UBOX5: variants seen among roughly 807,000 people sequenced by gnomAD.
UBOX5 encodes RING finger protein 37.
UBOX5 carries 28 observed loss-of-function variants against 39.0 expected under a neutral mutation model. The observed-to-expected ratio is 0.72, with a 90% CI of 0.53 to 0.98. The LOEUF (loss-of-function observed/expected upper bound fraction) is 0.98, where lower values mean the gene tolerates loss of function less well. Ranked by LOEUF, UBOX5 falls within the 50% of genes least tolerant of loss-of-function variation. The probability of loss-of-function intolerance (pLI) is 0.00; values close to 1 mark genes in which losing one functional copy is unlikely to be tolerated. For synonymous variants in UBOX5, 283 were observed against 275.5 expected (o/e 1.03, Z -0.27); for missense variants, 585 against 674.4 (o/e 0.87, Z 1.47).
intron 3 of UBOX5, among the ~76,000 whole-genome samples, chr20:3,120,817 G>A (rs1466453230): frequency 6.6e-6 from 1 of 152,156 alleles, no homozygotes; most frequent in South Asian, 2.1e-4. Context: ...CTGAAAGGAA[G>A]GCCCACAGAC....
At chr20:3,152,019 C>T (rs777438768) in intron 1 of UBOX5, 26 of 147,976 alleles carry the variant, frequency 1.8e-4, no homozygotes, top group Non-Finnish European at 2.7e-4. Context: ...GCACAAGAGT[C>T]GCTTGAACCC....
At chr20:3,111,679 C>T (rs1568467431) in intron 4 of UBOX5, 1 of 152,692 alleles carries the variant, frequency 6.5e-6, no homozygotes, top group East Asian at 1.9e-4. Context: ...TAGACCACAC[C>T]CATTCCATGA....
At chr20:3,142,459 C>G (rs991188200) in intron 1 of UBOX5, among the ~76,000 whole-genome samples, 1 of 151,828 alleles carries the variant, frequency 6.6e-6, no homozygotes, top group Non-Finnish European at 1.5e-5. Context: ...AAAAAATCAC[C>G]CAGGCGTAGT....
At chr20:3,147,013 G>T in intron 1 of UBOX5, 1 of 1,614,168 alleles carries the variant, frequency 6.2e-7, no homozygotes, top group Non-Finnish European at 8.5e-7. Flanking sequence ...TGCAGGCTGC[G>T]GGGCACAGGC....
chr20:3,128,123 A>G (rs1247449253), intron 1 of UBOX5, among the ~76,000 whole-genome samples: 1 of 152,242 alleles, frequency 6.6e-6, no homozygotes, highest in East Asian at 1.9e-4. Flanking sequence ...CTCCACGATA[A>G]GTAAAAACAA....
Position 3,107,889 on chromosome 20 carries a change from GGCCCTCA to G in UBOX5, c.*2210_*2216del, listed in dbSNP as rs1390116590. On this transcript the variant is annotated 3_prime_UTR_variant, in exon 5 of 5. Transcript: ENST00000217173. This position sits in a 1 kb window ranked among gnomAD's most constrained non-coding sequence, Gnocchi z 5.0. ...ACAGCTGCTTAAGGGGAGGCAGTCC[GGCCCTCA>G]TCTGGGAGCGCCGTGCTGACGCTGA... The G allele has an allele frequency of 6.6e-6, 1 of 152,178 alleles. No homozygotes were observed. Among genetic ancestry groups the G allele is most frequent in the Admixed American group, 6.5e-5 (1 of 15,270 alleles). The allele number at this position is 152,178 out of a possible 1,614,324, so 9.4% of individuals were successfully genotyped here. A position where few individuals can be genotyped will look rare whatever the true frequency, so the allele number is the denominator to read the frequency against.
intron 1 of UBOX5, chr20:3,147,076 C>A: frequency 1.2e-6 from 2 of 1,614,184 alleles, no homozygotes; most frequent in Non-Finnish European, 8.5e-7. Flanking sequence ...GGAAGCCCCC[C>A]AGAGGTACAG....
At chr20:3,147,553 A>C in intron 1 of UBOX5, 3 of 1,614,226 alleles carry the variant, frequency 1.9e-6, no homozygotes, top group Non-Finnish European at 2.5e-6. Context: ...GGTCAAACTT[A>C]GTTCTCTCCT....
At chr20:3,132,939 T>C (rs906147777) in intron 1 of UBOX5, among the ~76,000 whole-genome samples, 1 of 149,208 alleles carries the variant, frequency 6.7e-6, no homozygotes, top group East Asian at 1.9e-4. Flanking sequence ...CTGGGCAACA[T>C]AGCGAGACCC....
intron 1 of UBOX5, among the ~76,000 whole-genome samples, chr20:3,138,270 G>A (rs1202716219): frequency 7.3e-6 from 1 of 136,064 alleles, no homozygotes; most frequent in African/African-American, 2.7e-5. Context: ...GAGGGAGACT[G>A]TCTCAAAAAA....
intron 3 of UBOX5, among the ~76,000 whole-genome samples, chr20:3,121,045 C>T (rs2066331120): frequency 6.6e-6 from 1 of 152,132 alleles, no homozygotes; most frequent in African/African-American, 2.4e-5. Context: ...AGGCTTCAAG[C>T]CCAGGAAAAA....
At chr20:3,143,520 G>A (rs1019784307) in intron 1 of UBOX5, among the ~76,000 whole-genome samples, 28 of 151,892 alleles carry the variant, frequency 1.8e-4, no homozygotes, top group African/African-American at 6.0e-4. Context: ...TAACATCGGG[G>A]TACAGTGGCT....
At chr20:3,126,820 G>A (rs972057651) in intron 1 of UBOX5, among the ~76,000 whole-genome samples, 5 of 152,046 alleles carry the variant, frequency 3.3e-5, no homozygotes, top group African/African-American at 1.2e-4. Flanking sequence ...CAGATCACCT[G>A]AGGTCAGGAG....
chr20:3,125,798 C>T (rs1263333474), intron 1 of UBOX5, among the ~76,000 whole-genome samples: 11 of 147,104 alleles, frequency 7.5e-5, no homozygotes, highest in South Asian at 2.2e-4. Flanking sequence ...TCTGCCCAGC[C>T]GCCACCCCGT....
chr20:3,157,951 A>G, intron 1 of UBOX5, among the ~76,000 whole-genome samples: 1 of 150,518 alleles, frequency 6.6e-6, no homozygotes, highest in Non-Finnish European at 1.5e-5. Flanking sequence ...TCTGGAGGGC[A>G]GTGGTGCAAT....
intron 1 of UBOX5, chr20:3,136,107 T>C (rs1345819844): frequency 1.3e-5 from 2 of 152,242 alleles, no homozygotes; most frequent in Non-Finnish European, 1.5e-5. Flanking sequence ...CTGTACTACA[T>C]GAGGGGCTCC....
At chr20:3,111,600 G>A (rs899885357) in intron 4 of UBOX5, 1 of 152,452 alleles carries the variant, frequency 6.6e-6, no homozygotes, top group Non-Finnish European at 1.5e-5. Context: ...CACACTCTGC[G>A]CTGCTGGCCT....
intron 1 of UBOX5, among the ~76,000 whole-genome samples, chr20:3,131,250 C>T (rs2066427267): frequency 6.6e-6 from 1 of 151,868 alleles, no homozygotes; most frequent in Admixed American, 6.6e-5. Flanking sequence ...AAGAAAATGC[C>T]TCTTTGAACA....
rs946702328 is a variant in UBOX5, at chr20:3,149,977, C to A, written c.-42+9789G>T. Among the ~76,000 whole-genome samples, 2 of 151,436 alleles carry A rather than the reference C, an allele frequency of 1.3e-5. No homozygotes were observed. Among genetic ancestry groups the A allele is most frequent in the African/African-American group, 4.9e-5 (2 of 41,102 alleles). On this transcript the variant is annotated intron_variant, in intron 1 of 4. Transcript: ENST00000217173. The surrounding 1 kb of genome is among the most constrained non-coding windows in gnomAD (Gnocchi z 4.1). ...GAGGTTGCGGTGAGCCAAGACCGTG[C>A]CACTGCACTCCAGCCTAGGCGAAAA...
Sources: allele counts gnomAD v4.1 joint callset (sites outside exome capture counted in the v4.1 genomes callset), GRCh38; gene constraint gnomAD v4.1.1; non-coding constraint Gnocchi (gnomAD v3.1); transcripts MANE v1.5; gene names NCBI Gene and HGNC (gene_info 2026-07-23, HGNC 2026-07-21).